Variants in DNAH6 observed in about 807,000 individuals in gnomAD.
The protein encoded by DNAH6 is dynein axonemal heavy chain 6.
DNAH6 carries 340 observed loss-of-function variants against 491.4 expected under a neutral mutation model. The ratio of observed to expected loss-of-function variants is 0.69; its 90% CI spans 0.63 to 0.76. DNAH6 has a LOEUF of 0.76. Among genes scored for constraint, DNAH6 ranks in the 30% least tolerant of loss-of-function variants. The pLI, the probability that DNAH6 is intolerant of heterozygous loss-of-function variation, is 0.00. For synonymous variants in DNAH6, 1,603 were observed against 1,686.1 expected (o/e 0.95, Z 1.21); for missense variants, 4,443 against 4,972.2 (o/e 0.89, Z 3.20).
At chr2:84,559,716 C>A (rs1573017965) in intron 11 of DNAH6, among the ~76,000 whole-genome samples, 1 of 152,044 alleles carries the variant, frequency 6.6e-6, no homozygotes, top group Non-Finnish European at 1.5e-5. Flanking sequence ...TAACTACATG[C>A]AAGTCTACTA....
At chr2:84,641,593 G>A (rs981075174) in intron 32 of DNAH6, among the ~76,000 whole-genome samples, 2 of 152,156 alleles carry the variant, frequency 1.3e-5, no homozygotes, top group Admixed American at 6.5e-5. Context: ...TTTCGCAGGG[G>A]AAATAAGAGC....
chr2:84,664,158 A>T (rs1573404855), intron 37 of DNAH6, among the ~76,000 whole-genome samples: 2 of 152,200 alleles, frequency 1.3e-5, no homozygotes, highest in African/African-American at 4.8e-5. Flanking sequence ...CAAATAGTAA[A>T]CATCATCGAG....
chr2:84,806,793 T>A (rs1347002903), intron 71 of DNAH6, among the ~76,000 whole-genome samples: 1 of 152,176 alleles, frequency 6.6e-6, no homozygotes, highest in Non-Finnish European at 1.5e-5. Context: ...GTCCTGCTAA[T>A]GCCCTTAAAG....
Position 84,688,560 on chromosome 2 carries a change from T to C in DNAH6, c.7259T>C (p.Val2420Ala), listed in dbSNP as rs1210276542. The C allele has an allele frequency of 1.3e-6, 2 of 1,544,548 alleles. No homozygotes were observed. The change falls in exon 45 of 77, where the codon GTG becomes GCG. Residue 2420 changes from valine to alanine, a missense_variant. Val to Ala is a moderately conservative substitution (Grantham distance 64, BLOSUM62 0). Around this residue, in one of 3 missense-constraint regions of DNAH6, gnomAD observed 2,977 missense variants for 3,296.6 expected, o/e 0.90. Coordinates refer to ENST00000389394, the MANE Select transcript of DNAH6 (RefSeq NM_001370.2). ...NLTNPKEVKLVFFQDAIEHVS... is the reference protein window; with the variant it reads ...NLTNPKEVKLAFFQDAIEHVS... ...ACAAATCCCAAAGAAGTAAAGTTGG[T>C]GTTCTTCCAGGATGCTATAGAACAT...
intron 11 of DNAH6, among the ~76,000 whole-genome samples, chr2:84,571,270 T>A (rs1681835386): frequency 6.6e-6 from 1 of 152,210 alleles, no homozygotes; most frequent in Non-Finnish European, 1.5e-5. Context: ...TGATGTGTAC[T>A]AAAATGCGTA....
At chr2:84,585,608 C>T (rs765147045) in intron 15 of DNAH6, among the ~76,000 whole-genome samples, 14 of 151,984 alleles carry the variant, frequency 9.2e-5, no homozygotes, top group Non-Finnish European at 1.5e-4. Flanking sequence ...AGAGAGGAGG[C>T]CTGGAGAGGG....
chr2:84,470,198 T>C, the DNAH6 span, among the ~76,000 whole-genome samples: 6 of 152,166 alleles, frequency 3.9e-5, no homozygotes, highest in Middle Eastern at 3.4e-3. Context: ...AAGGTAGCCA[T>C]TGGGTCAGGG....
At chr2:84,569,101 G>T (rs1181317954) in intron 11 of DNAH6, among the ~76,000 whole-genome samples, 3 of 152,122 alleles carry the variant, frequency 2.0e-5, no homozygotes, top group African/African-American at 7.2e-5. Context: ...CATTGTTTAT[G>T]ACTGCAAAAT....
At chr2:84,543,527 A>C (rs755769416) in intron 4 of DNAH6, among the ~76,000 whole-genome samples, 2 of 152,230 alleles carry the variant, frequency 1.3e-5, no homozygotes, top group African/African-American at 2.4e-5. Flanking sequence ...TATAGCTAAA[A>C]TTACAGAGAA....
At chr2:84,672,655 C>T (rs1203568529) in intron 40 of DNAH6, among the ~76,000 whole-genome samples, 171 bp downstream of exon 40, 1 of 151,990 alleles carries the variant, frequency 6.6e-6, no homozygotes, top group Non-Finnish European at 1.5e-5. Flanking sequence ...AAGGTGTCTG[C>T]AGGATTGGTT....
chr2:84,650,325 C>T (rs1036340262), intron 33 of DNAH6, among the ~76,000 whole-genome samples: 3 of 152,248 alleles, frequency 2.0e-5, no homozygotes, highest in Admixed American at 2.0e-4. Flanking sequence ...AAGAGCTTCT[C>T]ATTTCTTTTT....
intron 62 of DNAH6, among the ~76,000 whole-genome samples, chr2:84,739,533 C>T (rs910025473): frequency 2.6e-5 from 4 of 152,150 alleles, no homozygotes; most frequent in Non-Finnish European, 5.9e-5. Context: ...TTCTCAAAGG[C>T]TTTGTTCATT....
At chr2:84,709,644 T>A in intron 55 of DNAH6, 98 bp downstream of exon 55, 2 of 1,321,934 alleles carry the variant, frequency 1.5e-6, no homozygotes, top group African/African-American at 2.9e-5. Context: ...ACTTGGAGAT[T>A]TAGATTTAAC....
At chr2:84,717,921 T>C (rs937852756) in intron 58 of DNAH6, among the ~76,000 whole-genome samples, 1 of 152,220 alleles carries the variant, frequency 6.6e-6, no homozygotes, top group Admixed American at 6.5e-5. Flanking sequence ...AGATCAAGTA[T>C]TAAGCAGGTC....
At chr2:84,636,313 C>G (rs1688873882) in intron 30 of DNAH6, among the ~76,000 whole-genome samples, 1 of 152,168 alleles carries the variant, frequency 6.6e-6, no homozygotes, top group Non-Finnish European at 1.5e-5. Context: ...GTTTCTTGCT[C>G]CTGCTCCCTT....
At chr2:84,735,246 T>A (rs1022174739) in intron 62 of DNAH6, among the ~76,000 whole-genome samples, 2 of 152,254 alleles carry the variant, frequency 1.3e-5, no homozygotes, top group Non-Finnish European at 2.9e-5. Context: ...TTTCTATGGT[T>A]GCATAGTATT....
At chr2:84,812,557 G>A in intron 73 of DNAH6, 31 bp downstream of exon 73, 1 of 1,533,198 alleles carries the variant, frequency 6.5e-7, no homozygotes, top group South Asian at 1.2e-5. Flanking sequence ...GGGTTTTGAT[G>A]AATCTGATGG....
rs761231186 is a variant in DNAH6, at chr2:84,525,567, A to G, written c.228A>G (p.Pro76=). 80 of 1,536,814 alleles carry G rather than the reference A, an allele frequency of 5.2e-5. No homozygotes were observed. The highest frequency in any genetic ancestry group is 1.1e-5 in the Non-Finnish European group (13 of 1,143,092). ...ACATGTCTCTCTATTTCCCAAAGCCAGTGCTAAAAGTCTACCAAGATCATA... is the reference window on the plus strand; with the variant it reads ...ACATGTCTCTCTATTTCCCAAAGCCGGTGCTAAAAGTCTACCAAGATCATA... The part of the protein sequence containing the change: ...RQQPIKLEPL[P]VLKVYQDHKQ... The change falls in exon 3 of 77, where the codon CCA becomes CCG. Residue 76 remains proline, a splice_region_variant and synonymous_variant. Transcript: ENST00000389394.
chr2:84,707,909 C>T (rs1040809216), intron 54 of DNAH6, among the ~76,000 whole-genome samples, 193 bp downstream of exon 54: 2 of 152,188 alleles, frequency 1.3e-5, no homozygotes, highest in Non-Finnish European at 2.9e-5. Context: ...TTCCTTAACA[C>T]GTTCCTCCCT....
Sources: allele counts gnomAD v4.1 joint callset (sites outside exome capture counted in the v4.1 genomes callset), GRCh38; gene constraint gnomAD v4.1.1; regional missense constraint gnomAD v4.1.1; transcripts MANE v1.5; gene names NCBI Gene and HGNC (gene_info 2026-07-23, HGNC 2026-07-21).